The following MYO5B variants were observed in gnomAD, a reference collection of about 807,000 sequenced individuals.
MYO5B encodes unconventional myosin-Vb.
MYO5B carries 143 observed loss-of-function variants against 229.3 expected under a neutral mutation model. The ratio of observed to expected loss-of-function variants is 0.62; its 90% confidence interval spans 0.54 to 0.72. The LOEUF (loss-of-function observed/expected upper bound fraction) is 0.72, where lower values mean the gene tolerates loss of function less well. MYO5B is among the 30% of genes least tolerant of loss of function. The pLI is 0.00. For missense variants in MYO5B, 2,321 were observed against 2,331.0 expected (o/e 1.00, Z 0.09); for synonymous variants, 918 against 885.2 (o/e 1.04, Z -0.66).
chr18:50,079,513 T>TC (rs1331659702), intron 1 of MYO5B, among the ~76,000 whole-genome samples: 1 of 151,826 alleles, frequency 6.6e-6, no homozygotes, highest in Non-Finnish European at 1.5e-5. Context: ...CCTCAAATTC[T>TC]CCCCCCTTGA....
Position 49,966,011 on chromosome 18 carries a change from G to T in MYO5B, c.1323-2981C>A, listed in dbSNP as rs75682302. Among the ~76,000 whole-genome samples, 11 of 152,266 alleles carry T rather than the reference G, an allele frequency of 7.2e-5. No homozygotes were observed. In the East Asian group the frequency reaches 1.9e-3, roughly 27 times the overall value. On this transcript the variant is annotated intron_variant, in intron 10 of 39. Transcript: ENST00000285039. ...AGTGTCATGCAAGCCCTTCCAAATA[G>T]AGCATAGTCCCTCAGTACCACCCCA...
At chr18:50,076,824 C>T (rs1027379692) in intron 1 of MYO5B, among the ~76,000 whole-genome samples, 1 of 151,898 alleles carries the variant, frequency 6.6e-6, no homozygotes, top group Non-Finnish European at 1.5e-5. Context: ...TAATGTCCAG[C>T]GAGTGGCTTG....
chr18:49,880,429 A>G lies in MYO5B; in HGVS notation c.3072T>C (p.Asn1024=). Residue 1024 remains asparagine (N), a synonymous_variant, in exon 23 of 40, where the codon AAT becomes AAC. Transcript: ENST00000285039. ...GTTCTTTCTCATCTTTCAAGAGAGC[A>G]TTTTCTTGCTCCAGGTCTGCAACTC... is the stretch of plus-strand genomic sequence containing the variant. ...RKRVADLEQE[N]ALLKDEKEQL... The G allele has an allele frequency of 1.2e-6, 2 of 1,614,078 alleles. No individual in the cohort carries two copies. Among genetic ancestry groups the G allele is most frequent in the Non-Finnish European group, 1.7e-6 (2 of 1,179,982 alleles).
intron 13 of MYO5B, 35 bp downstream of exon 13, chr18:49,954,278 A>G: frequency 6.2e-7 from 1 of 1,613,044 alleles, no homozygotes; most frequent in Middle Eastern, 1.7e-4. Context: ...GAGAGGGGCC[A>G]AGGGAATACC....
chr18:50,122,637 GAGAGAGAGAGAGAGA>G lies in MYO5B; in HGVS notation c.28-67274_28-67260del, dbSNP rs2032085242. On this transcript the variant is annotated intron_variant, in intron 1 of 39. Coordinates refer to ENST00000285039, the MANE Select transcript of MYO5B (RefSeq NM_001080467.3). Reference sequence around the variant, plus strand: ...GAGGGAGGGAGGGAAGGGGGGGGGAGAGAGAGAGAGAGAGAGAGAGAGAGAGAGAGAGAGAGAGAG... The same window carrying G: ...GAGGGAGGGAGGGAAGGGGGGGGGAGGAGAGAGAGAGAGAGAGAGAGAGAG... Among the ~76,000 whole-genome samples, 8 of 1,390 alleles carry G rather than the reference GAGAGAGAGAGAGAGA, an allele frequency of 5.8e-3. No individual in the cohort carries two copies. In the East Asian group the frequency reaches 0.17, roughly 29 times the overall value. The allele number at this position is 1,390 out of a possible 152,430, so 0.9% of individuals were successfully genotyped here.
At chr18:50,062,147 T>C (rs1298892006) in intron 1 of MYO5B, among the ~76,000 whole-genome samples, 1 of 151,098 alleles carries the variant, frequency 6.6e-6, no homozygotes, top group Non-Finnish European at 1.5e-5. Flanking sequence ...ACAGGTAAAG[T>C]GCTTTGTAAT....
intron 14 of MYO5B, among the ~76,000 whole-genome samples, chr18:49,949,706 A>C (rs559080370): frequency 5.3e-5 from 8 of 152,202 alleles, no homozygotes; most frequent in Non-Finnish European, 1.0e-4. Context: ...CTTTAGGTAA[A>C]ATTATGAATT....
chr18:49,895,049 G>A lies in MYO5B; in HGVS notation c.2937C>T (p.Leu979=). Residue 979 remains leucine, a synonymous_variant, in exon 22 of 40, where the codon CTC becomes CTT. Transcript: ENST00000285039. Reference sequence around the variant, plus strand: ...GGCTCTCCACCTCCTCCTGCAGCCTGAGGCTGGTGTCCTCACCTGGGCTCT... The same window carrying A: ...GGCTCTCCACCTCCTCCTGCAGCCTAAGGCTGGTGTCCTCACCTGGGCTCT... The part of the protein sequence containing the change: ...YQQSPGEDTS[L]RLQEEVESLR... The A allele has an allele frequency of 6.2e-7, 1 of 1,614,132 alleles. No homozygotes were observed. The highest frequency in any genetic ancestry group is 8.5e-7 in the Non-Finnish European group (1 of 1,180,036).
At chr18:50,117,421 A>T (rs2031982650) in intron 1 of MYO5B, among the ~76,000 whole-genome samples, 1 of 152,200 alleles carries the variant, frequency 6.6e-6, no homozygotes, top group Non-Finnish European at 1.5e-5. Context: ...CAGATGAGGG[A>T]CAGGCCTCCA....
intron 29 of MYO5B, among the ~76,000 whole-genome samples, chr18:49,859,978 T>A (rs2024308680): frequency 6.6e-6 from 1 of 152,072 alleles, no homozygotes; most frequent in Admixed American, 6.5e-5. Flanking sequence ...CTGGTGTGTG[T>A]ATTGGCGGGG....
Position 49,936,600 on chromosome 18 carries a change from T to C in MYO5B, c.1906-251A>G, listed in dbSNP as rs890183898. The stretch of plus-strand genomic sequence containing the variant: ...GGGACAGACTACCCCCTAATGTGCC[T>C]AACTCCCAGTGCTGTGGATCAAATA... On this transcript the variant is annotated intron_variant, in intron 15 of 39. Coordinates refer to ENST00000285039, the MANE Select transcript of MYO5B (RefSeq NM_001080467.3). Among the ~76,000 whole-genome samples the C allele has an allele frequency of 2.0e-5, 3 of 152,110 alleles. No individual in the cohort carries two copies. The South Asian group carries it at 6.2e-4, about 32-fold the overall frequency.
chr18:50,142,558 C>T (rs1267537828), intron 1 of MYO5B, among the ~76,000 whole-genome samples: 1 of 152,092 alleles, frequency 6.6e-6, no homozygotes, highest in East Asian at 1.9e-4. Context: ...CATTTTAAAA[C>T]CAAGGTATAT....
chr18:50,098,436 A>G lies in MYO5B; in HGVS notation c.28-43058T>C, dbSNP rs1038275028. Among the ~76,000 whole-genome samples, 9 of 152,340 alleles carry G rather than the reference A, an allele frequency of 5.9e-5. No individual in the cohort carries two copies. The East Asian group carries it at 9.7e-4, about 16-fold the overall frequency. Reference sequence around the variant, plus strand: ...GTCCTAAAGAGTCCCATCAAAATCAATACCAAAATATCTACTGGTTACTAG... The same window carrying G: ...GTCCTAAAGAGTCCCATCAAAATCAGTACCAAAATATCTACTGGTTACTAG... On this transcript the variant is annotated intron_variant, in intron 1 of 39. Coordinates refer to ENST00000285039, the MANE Select transcript of MYO5B (RefSeq NM_001080467.3).
At chr18:50,147,858 G>T (rs1226524177) in intron 1 of MYO5B, among the ~76,000 whole-genome samples, 1 of 152,144 alleles carries the variant, frequency 6.6e-6, no homozygotes, top group Non-Finnish European at 1.5e-5. Context: ...GGGATCCTGT[G>T]AGGTAAACAG....
chr18:49,836,077 A>G (rs1317718675), intron 38 of MYO5B, among the ~76,000 whole-genome samples: 1 of 152,218 alleles, frequency 6.6e-6, no homozygotes, highest in Non-Finnish European at 1.5e-5. Context: ...GGAGGTAAGG[A>G]AAGGTGTTCA....
intron 38 of MYO5B, among the ~76,000 whole-genome samples, chr18:49,836,164 C>T (rs545709915): frequency 6.6e-6 from 1 of 152,158 alleles, no homozygotes; most frequent in South Asian, 2.1e-4. Flanking sequence ...GGCAATGTGT[C>T]GGCAACTGAA....
intron 39 of MYO5B, among the ~76,000 whole-genome samples, chr18:49,829,378 G>A (rs1309178159): frequency 3.3e-5 from 5 of 151,922 alleles, no homozygotes; most frequent in Non-Finnish European, 4.4e-5. Flanking sequence ...CAAAATCCCA[G>A]GAACACACAA....
chr18:49,836,086 C>T (rs1223979368), intron 38 of MYO5B, among the ~76,000 whole-genome samples: 1 of 152,170 alleles, frequency 6.6e-6, no homozygotes, highest in African/African-American at 2.4e-5. Flanking sequence ...GAAAGGTGTT[C>T]ACTTTGCTAT....
intron 1 of MYO5B, among the ~76,000 whole-genome samples, chr18:50,119,522 C>T (rs891388811): frequency 2.6e-5 from 4 of 152,102 alleles, no homozygotes; most frequent in African/African-American, 7.2e-5. Context: ...ATGACAGGGT[C>T]AGAGAGAGAC....
Sources: gnomAD v4.1 joint callset for allele counts (sites outside exome capture counted in the v4.1 genomes callset) on GRCh38, gnomAD v4.1.1 for gene constraint, MANE v1.5 for transcripts, NCBI Gene and HGNC (gene_info 2026-07-23, HGNC 2026-07-21) for gene names.